The following AFF2 variants were observed in gnomAD, a reference collection of about 807,000 sequenced individuals.
The protein encoded by AFF2 is AF4/FMR2 family member 2.
Under a neutral mutation model 76.9 loss-of-function variants are expected in AFF2, and 14 were observed. The ratio of observed to expected loss-of-function variants is 0.18; its 90% CI spans 0.12 to 0.28. The LOEUF (loss-of-function observed/expected upper bound fraction) is 0.28. Among genes scored for constraint, AFF2 ranks in the 10% least tolerant of loss-of-function variants. The probability of loss-of-function intolerance (pLI) is 1.00; values close to 1 mark genes in which losing one functional copy is unlikely to be tolerated. For synonymous variants in AFF2, 398 were observed against 366.7 expected (o/e 1.09, Z -0.98); for missense variants, 868 against 1,001.1 (o/e 0.87, Z 1.79).
At chrX:148,845,148 C>G (rs934093031) in intron 7 of AFF2, among the ~76,000 whole-genome samples, 30 of 109,385 alleles carry the variant, frequency 2.7e-4, no homozygotes, top group Middle Eastern at 9.3e-3. Context: ...CACACACGCA[C>G]ACTCACATGC....
At chrX:148,620,962 C>G (rs1179893413) in intron 1 of AFF2, among the ~76,000 whole-genome samples, 2 of 111,945 alleles carry the variant, frequency 1.8e-5, no homozygotes, top group Non-Finnish European at 3.8e-5. Context: ...TAACATAACT[C>G]TCAGATAGCA....
chrX:148,906,632 G>A (rs1179162354), intron 9 of AFF2, among the ~76,000 whole-genome samples: 1 of 112,056 alleles, frequency 8.9e-6, no homozygotes, highest in African/African-American at 3.2e-5. Flanking sequence ...TATAAACCCA[G>A]GCATTTGAGC....
At chrX:148,982,392 G>A (rs1199451666) in intron 19 of AFF2, among the ~76,000 whole-genome samples, 1 of 111,984 alleles carries the variant, frequency 8.9e-6, no homozygotes, top group African/African-American at 3.2e-5. Flanking sequence ...TATGGTCCCT[G>A]CACTCCAGAA....
rs2072574099 is a variant in AFF2 at position 148,994,715 on chromosome X, T to G, written c.*3383T>G. ...TTAGATTTTGTCTGCATTGGAAAGATACTCTTCTAGCATATCTTTCCCAAA... is the reference window on the plus strand; with the variant it reads ...TTAGATTTTGTCTGCATTGGAAAGAGACTCTTCTAGCATATCTTTCCCAAA... On this transcript the variant is annotated 3_prime_UTR_variant, in exon 21 of 21. Coordinates refer to ENST00000370460, the MANE Select transcript of AFF2 (RefSeq NM_002025.4). 8.9e-6 allele frequency: 1 copy of G among 112,521 alleles called. No individual in the cohort carries two copies. Among genetic ancestry groups the G allele is most frequent in the Non-Finnish European group, 1.9e-5 (1 of 53,312 alleles). The allele number at this position is 112,521 out of a possible 1,213,427, so 9.3% of individuals were successfully genotyped here. A position where few individuals can be genotyped will look rare whatever the true frequency, so the allele number is the denominator to read the frequency against.
At chrX:148,836,429 A>G (rs782018182) in intron 4 of AFF2, among the ~76,000 whole-genome samples, 2 of 111,628 alleles carry the variant, frequency 1.8e-5, no homozygotes, top group Non-Finnish European at 3.8e-5. Flanking sequence ...TTTTAGTGCT[A>G]CCTGAGAGTT....
At chrX:148,970,917 G>A (rs782508377) in intron 15 of AFF2, among the ~76,000 whole-genome samples, 1 of 111,488 alleles carries the variant, frequency 9.0e-6, no homozygotes, top group Non-Finnish European at 1.9e-5. Flanking sequence ...TGCAAGTACT[G>A]TCTATAGGAC....
chrX:148,704,102 T>TTA (rs1163174549), intron 3 of AFF2, among the ~76,000 whole-genome samples: 4 of 101,992 alleles, frequency 3.9e-5, no homozygotes, highest in Non-Finnish European at 3.9e-5. Flanking sequence ...TATATATATA[T>TTA]TATATATATA....
At chrX:148,900,774 G>A (rs1430726178) in intron 8 of AFF2, among the ~76,000 whole-genome samples, 2 of 112,033 alleles carry the variant, frequency 1.8e-5, no homozygotes, top group African/African-American at 6.5e-5. Flanking sequence ...AGAGAGGTCT[G>A]TAGAATCTAA....
At chrX:148,788,753 C>T (rs1423313770) in intron 3 of AFF2, among the ~76,000 whole-genome samples, 1 of 112,064 alleles carries the variant, frequency 8.9e-6, no homozygotes, top group Non-Finnish European at 1.9e-5. Context: ...GAGGGTCTCT[C>T]AGGGAAAACA....
chrX:148,607,416 A>G (rs1188555243), intron 1 of AFF2, among the ~76,000 whole-genome samples: 1 of 110,698 alleles, frequency 9.0e-6, no homozygotes, highest in African/African-American at 3.3e-5. Context: ...TAAGTCTTAC[A>G]AGATCTCATG....
chrX:148,949,117 C>G (rs73614032), intron 9 of AFF2, among the ~76,000 whole-genome samples: 4,048 of 110,558 alleles, frequency 0.037, 181 homozygotes, highest in African/African-American at 0.12. Context: ...GCCTCTCCCC[C>G]CATCCCCAAC....
At chrX:148,862,212 G>T (rs1429992820) in intron 7 of AFF2, among the ~76,000 whole-genome samples, 1 of 109,114 alleles carries the variant, frequency 9.2e-6, no homozygotes, top group Non-Finnish European at 1.9e-5. Context: ...TGACTTTTGA[G>T]ACCATTCTGA....
At chrX:148,658,195 A>G (rs782496020) in intron 2 of AFF2, among the ~76,000 whole-genome samples, 1 of 111,709 alleles carries the variant, frequency 9.0e-6, no homozygotes, top group African/African-American at 3.3e-5. Flanking sequence ...GAGGGTCTCA[A>G]ATTTACCAGT....
intron 3 of AFF2, among the ~76,000 whole-genome samples, chrX:148,760,085 A>G (rs1332058839): frequency 1.8e-5 from 2 of 112,627 alleles, no homozygotes; most frequent in Non-Finnish European, 3.8e-5. Context: ...TTTTCATAAT[A>G]TTAATGTTTT....
At chrX:148,519,738 A>G (rs2052575589) in intron 1 of AFF2, among the ~76,000 whole-genome samples, 1 of 111,758 alleles carries the variant, frequency 8.9e-6, no homozygotes, top group South Asian at 3.7e-4. Flanking sequence ...ATACAAACAT[A>G]TATATAAGCT....
At chrX:148,522,801 T>C (rs782690720) in intron 1 of AFF2, among the ~76,000 whole-genome samples, 1 of 112,686 alleles carries the variant, frequency 8.9e-6, no homozygotes, top group African/African-American at 3.2e-5. Flanking sequence ...CTTGTTGATA[T>C]TGTCATATTT....
chrX:148,565,310 A>C (rs1440197171), intron 1 of AFF2, among the ~76,000 whole-genome samples: 1 of 111,222 alleles, frequency 9.0e-6, no homozygotes, highest in East Asian at 2.8e-4. Context: ...TTAGGTTGTT[A>C]AAAAAAACTA....
Position 148,647,797 on chromosome X carries a change from A to G in AFF2, c.48-4202A>G, listed in dbSNP as rs528570795. 5.4e-5 allele frequency among the ~76,000 whole-genome samples: 6 copies of G among 110,738 alleles called. 1 individual carries two copies. In the South Asian group the frequency reaches 1.9e-3, roughly 36 times the overall value. ...TACCTTACCTTAGTTCTATTTCCTC[A>G]TCTGTAAAATGAGGGCACTGCAACT... is the stretch of plus-strand genomic sequence containing the variant. On this transcript the variant is annotated intron_variant, in intron 1 of 20. Transcript: ENST00000370460.
chrX:148,888,780 G>A lies in AFF2; in HGVS notation c.1359+2795G>A, dbSNP rs971496706. Among the ~76,000 whole-genome samples, 3 of 111,307 alleles carry A rather than the reference G, an allele frequency of 2.7e-5. No individual in the cohort carries two copies. In the East Asian group the frequency reaches 8.6e-4, roughly 32 times the overall value. ...CATTTGAACCTTACAGCAAACCTTA[G>A]CAGTAGGTTTGGGCCTCCTGGCTGA... On this transcript the variant is annotated intron_variant, in intron 8 of 20. Coordinates refer to ENST00000370460, the MANE Select transcript of AFF2 (RefSeq NM_002025.4).
Sources: allele counts gnomAD v4.1 joint callset (sites outside exome capture counted in the v4.1 genomes callset), GRCh38; gene constraint gnomAD v4.1.1; transcripts MANE v1.5; gene names NCBI Gene and HGNC (gene_info 2026-07-23, HGNC 2026-07-21).